Variants in FAM149A observed in about 807,000 individuals in gnomAD.
FAM149A encodes family with sequence similarity 149 member A.
A neutral mutation model predicts 78.2 loss-of-function variants in FAM149A; 71 were observed. The observed-to-expected ratio is 0.91, with a 90% CI of 0.75 to 1.11. The LOEUF (loss-of-function observed/expected upper bound fraction) is 1.11. Ranked by LOEUF, FAM149A falls within the 50% of genes least tolerant of loss-of-function variation. The probability of loss-of-function intolerance (pLI) is 0.00; values close to 1 mark genes in which losing one functional copy is unlikely to be tolerated. For missense variants in FAM149A, 1,036 were observed against 971.0 expected, an observed-to-expected ratio of 1.07 and a Z score of -0.89; for synonymous variants, 446 against 410.5, an observed-to-expected ratio of 1.09 and a Z score of -1.04.
chr4:186,145,078 G>A (rs1579862649), intron 1 of FAM149A: 5 of 985,234 alleles, frequency 5.1e-6, no homozygotes, highest in Middle Eastern at 5.2e-4. Flanking sequence ...TGGCGCGGGG[G>A]CTGCGAGCAC....
chr4:186,120,065 A>C (rs928697875), intron 1 of FAM149A, among the ~76,000 whole-genome samples: 1 of 152,214 alleles, frequency 6.6e-6, no homozygotes. Flanking sequence ...ACATTTTTAT[A>C]AGCATGTTTC....
At position 186,172,080 on chromosome 4, in the gene FAM149A, T is replaced by C. The variant is rs746383468; in HGVS notation, c.*93T>C. 13 of 1,525,030 alleles carry C rather than the reference T, an allele frequency of 8.5e-6. No homozygotes were observed. The highest frequency in any genetic ancestry group is 1.4e-5 in the African/African-American group (1 of 70,954). 94.5% of individuals were successfully genotyped at this position (1,525,030 alleles called of 1,614,324 possible). On this transcript the variant is annotated 3_prime_UTR_variant, in exon 14 of 14. Coordinates refer to ENST00000389354, the MANE Select transcript of FAM149A (RefSeq NM_001367768.3). ...GGAACAAGTGTTATATTTATCTGTG[T>C]GTCTGACAGTGTGAGATGTTAGACC...
At position 186,157,736 on chromosome 4, in the gene FAM149A, C is replaced by T. The variant is rs1398315130; in HGVS notation, c.1575+17C>T. The T allele has an allele frequency of 4.4e-6, 7 of 1,594,398 alleles. 1 individual carries two copies. The highest frequency in any genetic ancestry group is 5.1e-6 in the Non-Finnish European group (6 of 1,169,342). ...CCGCCCCAGGTCGGTGCTTTCACAC[C>T]CTTCTCCCTCTTGCCTTCACTCTGT... On this transcript the variant is annotated intron_variant, in intron 8 of 13. Coordinates refer to ENST00000389354, the MANE Select transcript of FAM149A (RefSeq NM_001367768.3).
intron 1 of FAM149A, chr4:186,146,699 C>A: frequency 1.2e-6 from 1 of 827,448 alleles, no homozygotes; most frequent in Non-Finnish European, 1.5e-6. Flanking sequence ...GCGGTGAAAA[C>A]CATTTGGGGG....
intron 9 of FAM149A, among the ~76,000 whole-genome samples, 160 bp from the exon 10 acceptor site, chr4:186,163,264 A>G (rs977829141): frequency 1.3e-5 from 2 of 152,242 alleles, no homozygotes; most frequent in Non-Finnish European, 2.9e-5. Context: ...TCATTGAAAC[A>G]GAAACAGAAA....
At chr4:186,137,589 ATTTT>A (rs924638610) in intron 1 of FAM149A, among the ~76,000 whole-genome samples, 3 of 146,858 alleles carry the variant, frequency 2.0e-5, no homozygotes, top group African/African-American at 7.5e-5. Flanking sequence ...CTGGGCAAGG[ATTTT>A]TTTTTTTATA....
intron 13 of FAM149A, among the ~76,000 whole-genome samples, chr4:186,171,454 C>T (rs1009007255): frequency 6.6e-6 from 1 of 152,120 alleles, no homozygotes; most frequent in African/African-American, 2.4e-5. Context: ...GCTACCTTTG[C>T]GTCCAGGTCA....
At chr4:186,157,998 G>A in intron 8 of FAM149A, 14 of 1,485,198 alleles carry the variant, frequency 9.4e-6, no homozygotes, top group Non-Finnish European at 1.3e-5. Context: ...CTTCCAGATG[G>A]AGCAGTATAT....
intron 1 of FAM149A, among the ~76,000 whole-genome samples, chr4:186,105,940 T>G (rs1043533947): frequency 1.2e-4 from 19 of 152,148 alleles, no homozygotes; most frequent in African/African-American, 4.6e-4. Flanking sequence ...CTTAGAGTGT[T>G]TGTTTGGTTT....
At chr4:186,118,153 T>G (rs977790807) in intron 1 of FAM149A, 41 of 985,254 alleles carry the variant, frequency 4.2e-5, no homozygotes, top group African/African-American at 1.2e-4. Flanking sequence ...CAGGAGTTGG[T>G]GAACACACAC....
chr4:186,146,953 A>C (rs1288749956), intron 1 of FAM149A: 2 of 985,344 alleles, frequency 2.0e-6, no homozygotes, highest in Non-Finnish European at 2.4e-6. Flanking sequence ...TCAGGTGCTT[A>C]GCTTAAAAGA....
At chr4:186,131,759 G>C (rs990247023) in intron 1 of FAM149A, 2 of 278,490 alleles carry the variant, frequency 7.2e-6, no homozygotes, top group African/African-American at 4.6e-5. Context: ...CATAGATGCC[G>C]ATTTTCATGC....
At chr4:186,119,502 T>C (rs1251563949) in intron 1 of FAM149A, among the ~76,000 whole-genome samples, 1 of 152,222 alleles carries the variant, frequency 6.6e-6, no homozygotes, top group Non-Finnish European at 1.5e-5. Flanking sequence ...TTCCCTTCTG[T>C]TGTTTAATAA....
At chr4:186,151,070 C>G (rs974698176) in intron 3 of FAM149A, 1 of 985,154 alleles carries the variant, frequency 1.0e-6, no homozygotes, top group East Asian at 1.1e-4. Flanking sequence ...CTGTCCGCAG[C>G]TGTGCAGCTG....
chr4:186,151,241 G>A (rs549443954), intron 3 of FAM149A, among the ~76,000 whole-genome samples: 216 of 152,190 alleles, frequency 1.4e-3, no homozygotes, highest in African/African-American at 4.5e-3. Context: ...CCTCAAGCCC[G>A]CCTTCCTTGG....
chr4:186,152,997 T>C (rs1434240244), intron 4 of FAM149A, among the ~76,000 whole-genome samples: 1 of 152,118 alleles, frequency 6.6e-6, no homozygotes, highest in African/African-American at 2.4e-5. Context: ...TAGGTAACTT[T>C]TACAGAAATC....
chr4:186,163,644 T>C lies in FAM149A; in HGVS notation c.1889+11T>C. ...TCGGGGAACAAAACTGTGAGTCTCA[T>C]TTCTTTCATAGTAAACTAAAGGCCA... On this transcript the variant is annotated intron_variant, in intron 10 of 13. Coordinates refer to ENST00000389354, the MANE Select transcript of FAM149A (RefSeq NM_001367768.3). The C allele has an allele frequency of 6.2e-7, 1 of 1,606,040 alleles. No homozygotes were observed. Among genetic ancestry groups the C allele is most frequent in the Non-Finnish European group, 8.5e-7 (1 of 1,173,890 alleles).
intron 1 of FAM149A, among the ~76,000 whole-genome samples, chr4:186,136,964 T>TCTCTCTCTCTCTCTCTC (rs2099323207): frequency 6.2e-5 from 6 of 97,036 alleles, no homozygotes; most frequent in Admixed American, 1.1e-4. Context: ...CTCTCTCTCT[T>TCTCTCTCTCTCTCTCTC]TCTCTCTCTC....
At chr4:186,129,496 G>T (rs554924065) in intron 1 of FAM149A, among the ~76,000 whole-genome samples, 1 of 152,146 alleles carries the variant, frequency 6.6e-6, no homozygotes, top group Non-Finnish European at 1.5e-5. Flanking sequence ...TCTTGATTCC[G>T]CTTCCAGCAA....
Sources: gnomAD v4.1 joint callset for allele counts (sites outside exome capture counted in the v4.1 genomes callset) on GRCh38, gnomAD v4.1.1 for gene constraint, MANE v1.5 for transcripts, NCBI Gene and HGNC (gene_info 2026-07-23, HGNC 2026-07-21) for gene names.